Variants in ACSL6 observed in about 807,000 individuals in gnomAD.
ACSL6 encodes the protein long-chain-fatty-acid--CoA ligase 6.
In ACSL6, 47 loss-of-function variants were observed where a neutral mutation model predicts 98.2. The ratio of observed to expected loss-of-function variants is 0.48; its 90% CI spans 0.38 to 0.61. The LOEUF (loss-of-function observed/expected upper bound fraction) is 0.61. ACSL6 is among the 20% of genes least tolerant of loss of function. The pLI, the probability that ACSL6 is intolerant of heterozygous loss-of-function variation, is 0.00. For missense variants in ACSL6, 761 were observed against 913.4 expected, an observed-to-expected ratio of 0.83 and a Z score of 2.15; for synonymous variants, 362 against 336.9, an observed-to-expected ratio of 1.07 and a Z score of -0.82.
intron 16 of ACSL6, among the ~76,000 whole-genome samples, chr5:131,967,651 C>A (rs1315333447): frequency 6.9e-6 from 1 of 145,606 alleles, no homozygotes; most frequent in South Asian, 2.2e-4. Flanking sequence ...GGAGACAGAG[C>A]GAGACTCCGT....
intron 7 of ACSL6, among the ~76,000 whole-genome samples, chr5:131,987,597 C>G (rs754225088): frequency 2.6e-5 from 4 of 152,216 alleles, no homozygotes; most frequent in Non-Finnish European, 5.9e-5. Flanking sequence ...CTGCCACCAA[C>G]CTGATGTCTC....
intron 11 of ACSL6, 84 bp downstream of exon 11, chr5:131,974,809 A>G (rs144436984): frequency 1.2e-6 from 2 of 1,613,282 alleles, no homozygotes; most frequent in Non-Finnish European, 1.7e-6. Flanking sequence ...AAATGTGCAC[A>G]TCCGCACAAG....
At chr5:131,975,235 A>G in intron 10 of ACSL6, 1 of 1,335,974 alleles carries the variant, frequency 7.5e-7, no homozygotes, top group South Asian at 1.6e-5. Context: ...TCGCAGCGTC[A>G]GTGGGTCTAG....
chr5:131,977,643 G>A (rs895485191), intron 9 of ACSL6, among the ~76,000 whole-genome samples: 1 of 152,160 alleles, frequency 6.6e-6, no homozygotes, highest in African/African-American at 2.4e-5. Context: ...GTTCCACTGA[G>A]GCAGCCAGAG....
Position 131,994,133 on chromosome 5 carries a change from C to G in ACSL6, c.168G>C (p.Val56=), listed in dbSNP as rs939233922. Residue 56 remains valine, a synonymous_variant, in exon 2 of 21, where the codon GTG becomes GTC. Transcript: ENST00000651883. ...GGATGGCAGCCAGGGCACCCATACT[C>G]ACGAGGGTGGTGGCCGAGAGGCTGC... ...FFRSLSATTL[V]SMGALAAILA... is the part of the protein sequence containing the mutation. 5.6e-6 allele frequency: 9 copies of G among 1,614,118 alleles called. No individual in the cohort carries two copies. The Admixed American group carries it at 1.2e-4, about 21-fold the overall frequency.
Position 131,953,007 on chromosome 5 carries a change from G to C in ACSL6, c.*1227C>G, listed in dbSNP as rs78190514. The C allele has an allele frequency of 3.6e-3, 760 of 209,194 alleles. 8 individuals carry two copies. Among genetic ancestry groups the C allele is most frequent in the African/African-American group, 0.016 (704 of 43,998 alleles). 13.0% of individuals were successfully genotyped at this position (209,194 alleles called of 1,614,324 possible). A position where few individuals can be genotyped will look rare whatever the true frequency, so the allele number is the denominator to read the frequency against. On this transcript the variant is annotated 3_prime_UTR_variant, in exon 21 of 21. Transcript: ENST00000651883. Reference sequence around the variant, plus strand: ...ATATAGGGTTTCCAGGCATAGCATGGGCACATTGGGAATGGAAGACTAGAA... The same window carrying C: ...ATATAGGGTTTCCAGGCATAGCATGCGCACATTGGGAATGGAAGACTAGAA...
At position 131,972,237 on chromosome 5, in the gene ACSL6, T is replaced by C. The variant is rs571297508; in HGVS notation, c.1338+487A>G. Among the ~76,000 whole-genome samples, 3 of 152,110 alleles carry C rather than the reference T, an allele frequency of 2.0e-5. No individual in the cohort carries two copies. The South Asian group carries it at 6.2e-4, about 32-fold the overall frequency. Reference sequence around the variant, plus strand: ...TACAGATTCCTTGGATAATGCAGAGTTTAAAAACTTTTGAGGAGGTACAGA... The same window carrying C: ...TACAGATTCCTTGGATAATGCAGAGCTTAAAAACTTTTGAGGAGGTACAGA... On this transcript the variant is annotated intron_variant, in intron 13 of 20. Coordinates refer to ENST00000651883, the MANE Select transcript of ACSL6 (RefSeq NM_001009185.3).
rs1755038840 is a variant in ACSL6 at position 132,000,651 on chromosome 5, T to C, written c.50-6400A>G. On this transcript the variant is annotated intron_variant, in intron 1 of 20. Coordinates refer to ENST00000651883, the MANE Select transcript of ACSL6 (RefSeq NM_001009185.3). The stretch of plus-strand genomic sequence containing the variant: ...ATAAGGTAGACAGCTAGACTCATGG[T>C]GGCACCTGCTAATAAGTAAAAGACA... 2.0e-5 allele frequency among the ~76,000 whole-genome samples: 3 copies of C among 152,148 alleles called. No homozygotes were observed. The South Asian group carries it at 6.2e-4, about 32-fold the overall frequency.
At chr5:131,963,663 A>C (rs1752856693) in intron 17 of ACSL6, among the ~76,000 whole-genome samples, 1 of 152,054 alleles carries the variant, frequency 6.6e-6, no homozygotes, top group Non-Finnish European at 1.5e-5. Context: ...CCTTGCTCAC[A>C]AATCCATCTC....
intron 19 of ACSL6, among the ~76,000 whole-genome samples, chr5:131,960,003 C>T (rs1414612823): frequency 1.3e-5 from 2 of 152,190 alleles, no homozygotes; most frequent in East Asian, 3.9e-4. Flanking sequence ...ATGGCGACCT[C>T]CTCCACAGAG....
Position 131,998,428 on chromosome 5 carries a change from C to A in ACSL6, c.50-4177G>T, listed in dbSNP as rs1265667141. ...CTAAGGAAACTGGAACTTCCTCCCA[C>A]CTCAGCATGGCCTCTGCTGATTTAG... On this transcript the variant is annotated intron_variant, in intron 1 of 20. Transcript: ENST00000651883. Among the ~76,000 whole-genome samples the A allele has an allele frequency of 3.9e-5, 6 of 152,234 alleles. No homozygotes were observed. In the East Asian group the frequency reaches 1.2e-3, roughly 29 times the overall value.
chr5:131,987,972 G>A, intron 7 of ACSL6, 76 bp downstream of exon 7: 3 of 1,566,254 alleles, frequency 1.9e-6, no homozygotes, highest in Non-Finnish European at 2.6e-6. Context: ...GGCATGAGAG[G>A]GACAGATAAC....
Position 131,954,323 on chromosome 5 carries a change from A to G in ACSL6, c.2080T>C (p.Leu694=), listed in dbSNP as rs1242384083. The G allele has an allele frequency of 6.2e-7, 1 of 1,614,042 alleles. No individual in the cohort carries two copies. Among genetic ancestry groups the G allele is most frequent in the Non-Finnish European group, 8.5e-7 (1 of 1,179,974 alleles). ...HSDMFSVQNG[L]LTPTLKAKRP... ...TTAGCTTTTAGTGTTGGTGTCAGCA[A>G]GCCATTTTGAACTGAGAACATGTCA... is the stretch of plus-strand genomic sequence containing the variant. Residue 694 remains leucine (L), a synonymous_variant, in exon 21 of 21, where the codon TTG becomes CTG. Transcript: ENST00000651883.
Position 131,988,580 on chromosome 5 carries a change from C to G in ACSL6, c.652+225G>C, listed in dbSNP as rs139598493. 6.9e-4 allele frequency: 1,117 copies of G among 1,612,910 alleles called. 10 individuals carry two copies. The African/African-American group carries it at 0.013, about 19-fold the overall frequency. ...CCCTGTGTGGAGGCTGTTGCAGAGG[C>G]TCCTTCTTGGCAGCTGAGCCCTGTG... On this transcript the variant is annotated intron_variant, in intron 6 of 20. Transcript: ENST00000651883.
chr5:131,990,044 C>T, intron 4 of ACSL6, 56 bp downstream of exon 4: 1 of 1,586,852 alleles, frequency 6.3e-7, no homozygotes, highest in East Asian at 2.2e-5. Context: ...CCCTACCTGC[C>T]CTGAGTGCCA....
chr5:131,964,482 C>T (rs1752905045), intron 17 of ACSL6, among the ~76,000 whole-genome samples: 1 of 152,230 alleles, frequency 6.6e-6, no homozygotes, highest in Non-Finnish European at 1.5e-5. Flanking sequence ...TGCTCAAGCA[C>T]AACACTAAGT....
At chr5:131,972,624 C>T (rs1175601692) in intron 13 of ACSL6, 100 bp downstream of exon 13, 3 of 1,338,074 alleles carry the variant, frequency 2.2e-6, no homozygotes, top group Admixed American at 2.2e-5. Flanking sequence ...TACTATTTCA[C>T]ATGATTACAG....
At chr5:131,994,286 C>G in intron 1 of ACSL6, 35 bp from the exon 2 acceptor site, 1 of 1,562,026 alleles carries the variant, frequency 6.4e-7, no homozygotes. Flanking sequence ...GGCAAGAGAC[C>G]TGACGGGCAG....
At chr5:131,959,454 CT>C (rs1161591026) in intron 20 of ACSL6, 81 bp downstream of exon 20, 60 of 1,450,252 alleles carry the variant, frequency 4.1e-5, no homozygotes, top group Non-Finnish European at 5.6e-5. Flanking sequence ...AGTCAGGAAT[CT>C]AGGTCAGGGT....
Sources: gnomAD v4.1 joint callset for allele counts (sites outside exome capture counted in the v4.1 genomes callset) on GRCh38, gnomAD v4.1.1 for gene constraint, MANE v1.5 for transcripts, NCBI Gene and HGNC (gene_info 2026-07-23, HGNC 2026-07-21) for gene names.